The following RELN variants were observed in gnomAD, a reference collection of about 807,000 sequenced individuals.
The protein encoded by RELN is reelin.
A neutral mutation model predicts 427.6 loss-of-function variants in RELN; 108 were observed. The observed-to-expected ratio is 0.25, with a 90% CI of 0.22 to 0.30. The LOEUF (loss-of-function observed/expected upper bound fraction) is 0.30. RELN is among the 10% of genes least tolerant of loss of function. The pLI is 1.00. For synonymous variants in RELN, 1,524 were observed against 1,513.4 expected, an observed-to-expected ratio of 1.01 and a Z score of -0.16; for missense variants, 3,715 against 4,302.8, an observed-to-expected ratio of 0.86 and a Z score of 3.82.
At chr7:103,560,444 C>T (rs1297659727) in intron 36 of RELN, among the ~76,000 whole-genome samples, 2 of 152,092 alleles carry the variant, frequency 1.3e-5, no homozygotes, top group Admixed American at 1.3e-4. Context: ...AAATATAAAA[C>T]ATTATGCATC....
intron 2 of RELN, among the ~76,000 whole-genome samples, chr7:103,843,939 G>A (rs2116442148): frequency 6.6e-6 from 1 of 152,282 alleles, no homozygotes. Flanking sequence ...CTGCATGGTG[G>A]TAGATAATCA....
chr7:103,479,915 C>T (rs972793340), intron 63 of RELN, among the ~76,000 whole-genome samples: 1 of 152,088 alleles, frequency 6.6e-6, no homozygotes, highest in Non-Finnish European at 1.5e-5. Flanking sequence ...GGTGCACATG[C>T]ACAGAAGCGA....
intron 23 of RELN, 47 bp downstream of exon 23, chr7:103,604,299 C>T (rs201354738): frequency 6.2e-6 from 10 of 1,612,096 alleles, no homozygotes; most frequent in East Asian, 2.2e-5. Flanking sequence ...CCTCCAGCCA[C>T]AAATCTTGAG....
At chr7:103,492,362 CA>C (rs1386533726) in intron 57 of RELN, among the ~76,000 whole-genome samples, 3 of 152,090 alleles carry the variant, frequency 2.0e-5, no homozygotes, top group Non-Finnish European at 2.9e-5. Context: ...ATCACTGATT[CA>C]AAACAATTTC....
chr7:103,514,771 A>T (rs144179514), intron 50 of RELN, among the ~76,000 whole-genome samples: 22 of 152,338 alleles, frequency 1.4e-4, no homozygotes, highest in Admixed American at 7.2e-4. Flanking sequence ...AAGACATGAA[A>T]TGCCATTACA....
intron 10 of RELN, among the ~76,000 whole-genome samples, chr7:103,690,153 C>T (rs1261272685): frequency 6.6e-6 from 1 of 152,050 alleles, no homozygotes; most frequent in Non-Finnish European, 1.5e-5. Context: ...ATGGTTACTA[C>T]TATTTATTGT....
At chr7:103,617,091 C>T (rs547709480) in intron 20 of RELN, among the ~76,000 whole-genome samples, 1 of 152,088 alleles carries the variant, frequency 6.6e-6, no homozygotes. Context: ...TCACTTTATG[C>T]CTACACTCCC....
intron 33 of RELN, among the ~76,000 whole-genome samples, chr7:103,565,775 A>G (rs1718515790): frequency 6.6e-6 from 1 of 152,244 alleles, no homozygotes; most frequent in African/African-American, 2.4e-5. Context: ...CACCTTGGAA[A>G]GGGCTAACAT....
At chr7:103,645,326 T>C (rs1832776092) in intron 16 of RELN, among the ~76,000 whole-genome samples, 1 of 151,766 alleles carries the variant, frequency 6.6e-6, no homozygotes, top group South Asian at 2.1e-4. Flanking sequence ...ATTTAAAAGA[T>C]ACAGATTGGC....
At chr7:103,860,858 C>A (rs1393587001) in intron 2 of RELN, among the ~76,000 whole-genome samples, 4 of 152,122 alleles carry the variant, frequency 2.6e-5, no homozygotes, top group Non-Finnish European at 5.9e-5. Flanking sequence ...ATCAACATAA[C>A]TTTGCTATGA....
At chr7:103,670,190 T>G (rs1338320972) in intron 11 of RELN, among the ~76,000 whole-genome samples, 1 of 152,152 alleles carries the variant, frequency 6.6e-6, no homozygotes, top group African/African-American at 2.4e-5. Flanking sequence ...CAGCCCACAC[T>G]TCAATACTTT....
At chr7:103,519,243 C>G (rs1342779750) in intron 49 of RELN, 80 bp downstream of exon 49, 1 of 1,074,872 alleles carries the variant, frequency 9.3e-7, no homozygotes, top group Non-Finnish European at 1.4e-6. Context: ...TCTGAGGTCC[C>G]CCTCAGTCTC....
chr7:103,637,216 G>GT (rs1171907462), intron 17 of RELN, among the ~76,000 whole-genome samples: 5 of 152,194 alleles, frequency 3.3e-5, no homozygotes, highest in Admixed American at 3.3e-4. Context: ...AAACATCTAC[G>GT]TTTTAAGGAG....
chr7:103,544,355 A>T (rs1830242546), intron 42 of RELN, among the ~76,000 whole-genome samples: 1 of 146,722 alleles, frequency 6.8e-6, no homozygotes, highest in East Asian at 2.1e-4. Flanking sequence ...TCACCTCCCG[A>T]GTAGCTGGGA....
At chr7:103,486,150 C>T (rs1390683782) in intron 61 of RELN, 47 bp downstream of exon 61, 2 of 1,547,614 alleles carry the variant, frequency 1.3e-6, no homozygotes, top group Admixed American at 1.7e-5. Context: ...AATCACTGGG[C>T]TTGTGACTAA....
chr7:103,750,372 C>T (rs1790968037), intron 5 of RELN, among the ~76,000 whole-genome samples: 1 of 152,180 alleles, frequency 6.6e-6, no homozygotes, highest in Non-Finnish European at 1.5e-5. Flanking sequence ...TCCCCTTCTG[C>T]CACAATTGTA....
chr7:103,592,955 T>C (rs527401866), intron 27 of RELN, among the ~76,000 whole-genome samples: 42 of 152,328 alleles, frequency 2.8e-4, no homozygotes, highest in African/African-American at 9.9e-4. Context: ...CCTGTGGAAA[T>C]TGTATTTGAA....
At chr7:103,777,688 C>A (rs1435219857) in intron 3 of RELN, among the ~76,000 whole-genome samples, 1 of 152,142 alleles carries the variant, frequency 6.6e-6, no homozygotes, top group Non-Finnish European at 1.5e-5. Flanking sequence ...CTCTGGCCCA[C>A]GTGTGGATGC....
At chr7:103,801,361 G>A (rs10953393) in intron 3 of RELN, among the ~76,000 whole-genome samples, 37,556 of 152,104 alleles carry the variant, frequency 0.25, 4,689 homozygotes, top group East Asian at 0.35. Flanking sequence ...ACTGGATAAA[G>A]AAAATGTGGC....
Sources: gnomAD v4.1 joint callset for allele counts (sites outside exome capture counted in the v4.1 genomes callset) on GRCh38, gnomAD v4.1.1 for gene constraint, MANE v1.5 for transcripts, NCBI Gene and HGNC (gene_info 2026-07-23, HGNC 2026-07-21) for gene names.